Variants in PRKDC observed in about 807,000 individuals in gnomAD.
PRKDC encodes DNA-dependent protein kinase catalytic subunit.
In PRKDC, 82 loss-of-function variants were observed where a neutral mutation model predicts 486.9. The ratio of observed to expected loss-of-function variants is 0.17; its 90% confidence interval spans 0.14 to 0.20. The LOEUF is 0.20. Ranked by LOEUF, PRKDC falls within the 10% of genes least tolerant of loss-of-function variation. The pLI is 1.00. For missense variants in PRKDC, 4,504 were observed against 5,038.2 expected, an observed-to-expected ratio of 0.89 and a Z score of 3.21; for synonymous variants, 1,895 against 1,837.0, an observed-to-expected ratio of 1.03 and a Z score of -0.81.
chr8:47,852,564 C>T, intron 52 of PRKDC, 109 bp downstream of exon 52: 2 of 574,526 alleles, frequency 3.5e-6, no homozygotes, highest in Non-Finnish European at 5.8e-6. Flanking sequence ...AATGCAGATG[C>T]CCATTTTGTT....
chr8:47,949,926 A>G (rs1249159796), intron 7 of PRKDC, among the ~76,000 whole-genome samples: 1 of 152,234 alleles, frequency 6.6e-6, no homozygotes, highest in Non-Finnish European at 1.5e-5. Context: ...GTTTCAACCT[A>G]ATGGAAGAAA....
intron 21 of PRKDC, among the ~76,000 whole-genome samples, chr8:47,918,760 T>A (rs780685676): frequency 6.6e-6 from 1 of 152,036 alleles, no homozygotes; most frequent in Non-Finnish European, 1.5e-5. Context: ...CTAATACAGA[T>A]AAATAAATAA....
chr8:47,930,119 T>G lies in PRKDC; in HGVS notation c.1893-107A>C. ...AAGCTACAAACCCATCACGTAACAT[T>G]TTGAGGTATCCTAAAATGTTTAGTT... On this transcript the variant is annotated intron_variant, in intron 17 of 85. Transcript: ENST00000314191. 3 of 942,108 alleles carry G rather than the reference T, an allele frequency of 3.2e-6. No homozygotes were observed. In the South Asian group the frequency reaches 5.3e-5, roughly 17 times the overall value. 58.4% of individuals were successfully genotyped at this position (942,108 alleles called of 1,614,324 possible).
At chr8:47,905,748 G>A (rs776874279) in intron 25 of PRKDC, among the ~76,000 whole-genome samples, 7 of 152,176 alleles carry the variant, frequency 4.6e-5, no homozygotes, top group Non-Finnish European at 8.8e-5. Flanking sequence ...AAACCTCTAT[G>A]GAGATAGGAT....
At chr8:47,880,240 G>T in intron 38 of PRKDC, among the ~76,000 whole-genome samples, 1 of 152,188 alleles carries the variant, frequency 6.6e-6, no homozygotes, top group Non-Finnish European at 1.5e-5. Flanking sequence ...TTCGGTATGT[G>T]CTTCCTCTTC....
intron 4 of PRKDC, among the ~76,000 whole-genome samples, chr8:47,955,393 C>T (rs1327260029): frequency 4.3e-4 from 54 of 126,220 alleles, no homozygotes; most frequent in Middle Eastern, 4.4e-3. Flanking sequence ...ACCCGGGAGG[C>T]GGAGCTTGCA....
At chr8:47,775,648 T>C (rs1469575677) in intron 85 of PRKDC, among the ~76,000 whole-genome samples, 4 of 152,078 alleles carry the variant, frequency 2.6e-5, no homozygotes, top group Non-Finnish European at 5.9e-5. Context: ...AAATATTTTA[T>C]CCCATTTGGA....
At chr8:47,777,664 G>A in intron 84 of PRKDC, 22 bp downstream of exon 84, 1 of 1,558,368 alleles carries the variant, frequency 6.4e-7, no homozygotes, top group Non-Finnish European at 8.7e-7. Context: ...AAAGTGAAAA[G>A]TGCACATGAA....
Position 47,834,296 on chromosome 8 carries a change from C to A in PRKDC, c.8052G>T (p.Arg2684Ser), listed in dbSNP as rs532963775. The A allele has an allele frequency of 1.9e-6, 3 of 1,614,028 alleles. No homozygotes were observed. The South Asian group carries it at 3.3e-5, about 18-fold the overall frequency. ...AGGGTGCTCTCTGTAACCTTTCACTCCTCTTGTGGGCAAACAGCAAGGAGT... is the reference window on the plus strand; with the variant it reads ...AGGGTGCTCTCTGTAACCTTTCACTACTCTTGTGGGCAAACAGCAAGGAGT... ...SSDSLLFAHKRSERLQRAPLK... is the reference protein window; with the variant it reads ...SSDSLLFAHKSSERLQRAPLK... The change falls in exon 59 of 86, where the codon AGG becomes AGT. Residue 2684 changes from arginine (R) to serine (S), a missense_variant. Transcript: ENST00000314191.
rs2088690684 is a variant in PRKDC, at chr8:47,862,073, C to T, written c.5974G>A (p.Val1992Ile). The change falls in exon 44 of 86, where the codon GTA becomes ATA. Residue 1992 changes from valine to isoleucine, a missense_variant. This residue lies in a region of PRKDC where 1,592 missense variants were observed against 1,724.6 expected (regional missense o/e 0.92). Transcript: ENST00000314191. ...AAAATTTCACTCACCTCAACTTCTA[C>T]AGGAAAATTATAGCGGCGCTTCAGG... ...IDLKRRYNFP[V>I]EVEVPMERKK... The T allele has an allele frequency of 1.3e-6, 2 of 1,551,524 alleles. No individual in the cohort carries two copies. Among genetic ancestry groups the T allele is most frequent in the African/African-American group, 1.4e-5 (1 of 73,332 alleles).
intron 77 of PRKDC, 145 bp from the exon 78 acceptor site, chr8:47,783,954 C>G (rs1005776374): frequency 1.1e-5 from 9 of 794,630 alleles, no homozygotes; most frequent in Non-Finnish European, 1.9e-5. Context: ...AGGGAACTGA[C>G]TTTAAAAAAA....
intron 68 of PRKDC, among the ~76,000 whole-genome samples, chr8:47,814,169 G>A (rs1031879483): frequency 3.9e-5 from 6 of 152,106 alleles, no homozygotes; most frequent in Non-Finnish European, 8.8e-5. Flanking sequence ...GATAAAATTC[G>A]ACATTCATTC....
intron 27 of PRKDC, 111 bp downstream of exon 27, chr8:47,902,458 A>T: frequency 1.4e-6 from 1 of 731,046 alleles, no homozygotes; most frequent in Non-Finnish European, 2.0e-6. Flanking sequence ...AGCATCCAGC[A>T]CATAATTACT....
At chr8:47,825,542 A>G (rs2087720189) in intron 63 of PRKDC, among the ~76,000 whole-genome samples, 1 of 150,186 alleles carries the variant, frequency 6.7e-6, no homozygotes, top group African/African-American at 2.5e-5. Context: ...AAGCTAAACT[A>G]TGTTCACAAT....
chr8:47,939,942 A>C (rs968029843), intron 10 of PRKDC: 1 of 239,416 alleles, frequency 4.2e-6, no homozygotes, highest in African/African-American at 2.3e-5. Flanking sequence ...AAGGATACAC[A>C]TAAGTCTGAA....
intron 19 of PRKDC, 48 bp from the exon 20 acceptor site, chr8:47,927,938 T>C: frequency 1.5e-6 from 2 of 1,371,842 alleles, no homozygotes; most frequent in Admixed American, 3.3e-5. Context: ...GAGCCTACAT[T>C]TGAAAATCAA....
Position 47,837,320 on chromosome 8 carries a change from T to C in PRKDC, c.7653A>G (p.Glu2551=). The C allele has an allele frequency of 6.2e-7, 1 of 1,613,178 alleles. No individual in the cohort carries two copies. The highest frequency in any genetic ancestry group is 8.5e-7 in the Non-Finnish European group (1 of 1,179,150). ...TTGTTGCTAAACTTAAAAAGTGCAC[T>C]TCTATCTTAGGAGAATATAAGGAAT... is the stretch of plus-strand genomic sequence containing the variant. ...ALNSLYSPKI[E]VHFLSLATNF... is the part of the protein sequence containing the mutation. Residue 2551 remains glutamate (E), a synonymous_variant, in exon 57 of 86, where the codon GAA becomes GAG. Transcript: ENST00000314191.
rs2086567120 is a variant in PRKDC, at chr8:47,774,297, T to C, written c.12263A>G (p.Asn4088Ser). 3 of 1,612,904 alleles carry C rather than the reference T, an allele frequency of 1.9e-6. No individual in the cohort carries two copies. The highest frequency in any genetic ancestry group is 2.5e-6 in the Non-Finnish European group (3 of 1,179,542). Reference protein sequence around the residue: ...VAVARGSKDHNIRAQEPESGL... With the variant: ...VAVARGSKDHSIRAQEPESGL... Reference sequence around the variant, plus strand: ...ACTCTCTGGTTCTTGGGCACGAATGTTGTGATCTTTGCTTCCTCGTGCCAC... The same window carrying C: ...ACTCTCTGGTTCTTGGGCACGAATGCTGTGATCTTTGCTTCCTCGTGCCAC... The change falls in exon 86 of 86, where the codon AAC (asparagine) becomes AGC (serine). Residue 4088 changes from asparagine (N) to serine (S), a missense_variant. By Grantham distance (46) the Asn-to-Ser change is conservative (BLOSUM62 1). Around this residue, in one of 6 missense-constraint regions of PRKDC, gnomAD observed 706 missense variants for 945.0 expected, o/e 0.75. Coordinates refer to ENST00000314191, the MANE Select transcript of PRKDC (RefSeq NM_006904.7).
At chr8:47,824,843 A>G (rs1025607010) in intron 63 of PRKDC, among the ~76,000 whole-genome samples, 1 of 152,046 alleles carries the variant, frequency 6.6e-6, no homozygotes, top group Non-Finnish European at 1.5e-5. Context: ...TCTCAACCCA[A>G]ATGTTATTTC....
Sources: allele counts gnomAD v4.1 joint callset (sites outside exome capture counted in the v4.1 genomes callset), GRCh38; gene constraint gnomAD v4.1.1; regional missense constraint gnomAD v4.1.1; transcripts MANE v1.5; gene names NCBI Gene and HGNC (gene_info 2026-07-23, HGNC 2026-07-21).